Variants in ART1 observed in about 807,000 individuals in gnomAD.
ART1 encodes ADP-ribosyltransferase 1.
ART1 carries 29 observed loss-of-function variants against 27.0 expected under a neutral mutation model. The observed-to-expected ratio is 1.08, with a 90% CI of 0.80 to 1.47. ART1 has a LOEUF of 1.47. Ranked by LOEUF, ART1 falls within the 40% of genes most tolerant of loss-of-function variation. ART1 has a pLI of 0.00. For synonymous variants in ART1, 201 were observed against 172.2 expected, an observed-to-expected ratio of 1.17 and a Z score of -1.31; for missense variants, 480 against 423.0, an observed-to-expected ratio of 1.13 and a Z score of -1.18.
chr11:3,656,150 T>G (rs2077573035), intron 1 of ART1, among the ~76,000 whole-genome samples: 1 of 151,816 alleles, frequency 6.6e-6, no homozygotes, highest in Non-Finnish European at 1.5e-5. Context: ...GCCAGTCTGG[T>G]TTCAAACTCC....
intron 1 of ART1, among the ~76,000 whole-genome samples, chr11:3,648,725 T>C (rs1378828884): frequency 1.3e-5 from 2 of 152,208 alleles, no homozygotes; most frequent in Non-Finnish European, 2.9e-5. Context: ...TGTCAGATCA[T>C]GCAGGGACGC....
At chr11:3,651,989 C>T (rs1210664270) in intron 1 of ART1, among the ~76,000 whole-genome samples, 1 of 151,644 alleles carries the variant, frequency 6.6e-6, no homozygotes, top group Non-Finnish European at 1.5e-5. Context: ...AAGCCACCAG[C>T]CCGCCTCTTA....
intron 2 of ART1, 75 bp downstream of exon 2, chr11:3,659,351 AAG>A (rs1259028371): frequency 3.8e-6 from 6 of 1,595,148 alleles, no homozygotes; most frequent in Admixed American, 1.7e-5. Flanking sequence ...TGGAGGGAGA[AAG>A]AGAGAGAGGA....
At chr11:3,658,103 C>T (rs557228489) in intron 1 of ART1, among the ~76,000 whole-genome samples, 14 of 152,094 alleles carry the variant, frequency 9.2e-5, no homozygotes, top group Non-Finnish European at 1.3e-4. Context: ...GAGGCTGAGG[C>T]GGGCGGATCA....
At chr11:3,650,830 A>C in intron 1 of ART1, among the ~76,000 whole-genome samples, 1 of 129,474 alleles carries the variant, frequency 7.7e-6, no homozygotes, top group Non-Finnish European at 1.7e-5. Flanking sequence ...ACCTTAATCC[A>C]CAAGTATAAG....
chr11:3,661,232 C>G, intron 3 of ART1, 140 bp from the exon 4 acceptor site: 1 of 699,046 alleles, frequency 1.4e-6, no homozygotes, highest in Non-Finnish European at 2.3e-6. Flanking sequence ...AAGGGAGGTT[C>G]CACCATGAAA....
rs1204520452 is a variant in ART1 at position 3,660,164 on chromosome 11, G to A, written c.645G>A (p.Glu215=). The change falls in exon 3 of 5, where the codon GAG becomes GAA. Residue 215 remains glutamate (E), a synonymous_variant. Transcript: ENST00000250693. The part of the protein sequence containing the change: ...LKHVAAQQFG[E]DTFFGIWTCL... ...ATGTTGCAGCCCAGCAGTTTGGTGA[G>A]GACACCTTCTTCGGCATCTGGACCT... The A allele has an allele frequency of 6.2e-7, 1 of 1,613,922 alleles. No homozygotes were observed. The highest frequency in any genetic ancestry group is 1.3e-5 in the African/African-American group (1 of 74,942).
chr11:3,648,595 G>T (rs2077488702), intron 1 of ART1, among the ~76,000 whole-genome samples: 2 of 152,124 alleles, frequency 1.3e-5, no homozygotes, highest in African/African-American at 4.8e-5. Context: ...AGACAAAGGA[G>T]ACACGTTTTA....
At chr11:3,648,111 C>T (rs2133946053) in intron 1 of ART1, among the ~76,000 whole-genome samples, 1 of 152,232 alleles carries the variant, frequency 6.6e-6, no homozygotes, top group South Asian at 2.1e-4. Context: ...CTTGTGACCC[C>T]CACTCTGCCT....
chr11:3,650,020 T>C (rs1303082444), intron 1 of ART1, among the ~76,000 whole-genome samples: 1 of 152,158 alleles, frequency 6.6e-6, no homozygotes, highest in Non-Finnish European at 1.5e-5. Context: ...AGGACTTAAT[T>C]AACCTCACCT....
In ART1 at chr11:3,655,050, T is replaced by C. The variant is rs375280176; in HGVS notation, c.-52-4112T>C. ...AACATTTACTCCCAGGCTCATGGTC[T>C]TTGGGTTGACGGCAAGTGGCTTATC... is the stretch of plus-strand genomic sequence containing the variant. On this transcript the variant is annotated intron_variant, in intron 1 of 4. Transcript: ENST00000250693. Among the ~76,000 whole-genome samples the C allele has an allele frequency of 4.6e-5, 7 of 152,318 alleles. No homozygotes were observed. The South Asian group carries it at 1.2e-3, about 27-fold the overall frequency.
chr11:3,661,060 A>G (rs1486713460), intron 3 of ART1, among the ~76,000 whole-genome samples: 1 of 152,234 alleles, frequency 6.6e-6, no homozygotes, highest in African/African-American at 2.4e-5. Flanking sequence ...GCATGCAAAG[A>G]AAACAAACCA....
At chr11:3,661,871 G>A (rs1176259757) in intron 4 of ART1, among the ~76,000 whole-genome samples, 1 of 152,174 alleles carries the variant, frequency 6.6e-6, no homozygotes, top group Non-Finnish European at 1.5e-5. Flanking sequence ...GGCACCTTGG[G>A]GGTTGCCAGC....
chr11:3,653,645 G>A lies in ART1; in HGVS notation c.-52-5517G>A, dbSNP rs2048730. 4.8e-3 allele frequency among the ~76,000 whole-genome samples: 737 copies of A among 152,254 alleles called. 2 individuals carry two copies. Among genetic ancestry groups the A allele is most frequent in the Middle Eastern group, 0.01 (3 of 294 alleles). The stretch of plus-strand genomic sequence containing the variant: ...CACACGGACGCGCATGAAAAGAGGA[G>A]CTTCGTATTTTTTTTAAATCTACTC... On this transcript the variant is annotated intron_variant, in intron 1 of 4. Coordinates refer to ENST00000250693, the MANE Select transcript of ART1 (RefSeq NM_004314.3).
At chr11:3,663,254 A>C (rs1421029864) in intron 4 of ART1, among the ~76,000 whole-genome samples, 1 of 152,212 alleles carries the variant, frequency 6.6e-6, no homozygotes, top group East Asian at 1.9e-4. Flanking sequence ...TTATTTGCTC[A>C]AGGTGACAAT....
chr11:3,656,088 A>C (rs1051254326), intron 1 of ART1, among the ~76,000 whole-genome samples: 2 of 152,008 alleles, frequency 1.3e-5, no homozygotes, highest in African/African-American at 4.8e-5. Flanking sequence ...GCACAACACC[A>C]CGCCCAGCTA....
chr11:3,659,121 A>T (rs990873685), intron 1 of ART1, 41 bp from the exon 2 acceptor site: 2 of 1,213,366 alleles, frequency 1.6e-6, no homozygotes, highest in Non-Finnish European at 2.4e-6. Flanking sequence ...GTGTCGATTC[A>T]TGTTTATTAA....
intron 1 of ART1, among the ~76,000 whole-genome samples, chr11:3,654,729 C>G (rs2077555442): frequency 9.1e-6 from 1 of 110,016 alleles, no homozygotes; most frequent in Non-Finnish European, 1.8e-5. Flanking sequence ...TAAATTCCAC[C>G]TCCTACCTCT....
At position 3,664,166 on chromosome 11, in the gene ART1, C is replaced by T. The variant is rs199801440; in HGVS notation, c.961C>T (p.Pro321Ser). 4.7e-5 allele frequency: 76 copies of T among 1,614,006 alleles called. No homozygotes were observed. In the East Asian group the frequency reaches 1.6e-3, roughly 34 times the overall value. Residue 321 changes from proline (P) to serine (S), a missense_variant, in exon 5 of 5, where the codon CCA (proline) becomes TCA (serine). Transcript: ENST00000250693. ...LLWFLVVRAF[P>S]DGPGLL ...CTGGTTCCTCGTGGTGAGGGCCTTT[C>T]CAGATGGTCCAGGCCTCCTTTGATG...
Sources: allele counts gnomAD v4.1 joint callset (sites outside exome capture counted in the v4.1 genomes callset), GRCh38; gene constraint gnomAD v4.1.1; transcripts MANE v1.5; gene names NCBI Gene and HGNC (gene_info 2026-07-23, HGNC 2026-07-21).